ULK4: variants seen among roughly 807,000 people sequenced by gnomAD.
ULK4 encodes the protein unc-51 like kinase 4.
In ULK4, 133 loss-of-function variants were observed where a neutral mutation model predicts 160.6. The ratio of observed to expected loss-of-function variants is 0.83; its 90% confidence interval spans 0.72 to 0.96. ULK4 has a LOEUF of 0.96. Ranked by LOEUF, ULK4 falls within the 40% of genes least tolerant of loss-of-function variation. ULK4 has a pLI of 0.00. For missense variants in ULK4, 1,580 were observed against 1,499.5 expected, an observed-to-expected ratio of 1.05 and a Z score of -0.89; for synonymous variants, 534 against 539.8, an observed-to-expected ratio of 0.99 and a Z score of 0.15.
chr3:41,553,986 C>G (rs2087185474), intron 32 of ULK4, among the ~76,000 whole-genome samples: 1 of 152,080 alleles, frequency 6.6e-6, no homozygotes, highest in African/African-American at 2.4e-5. Context: ...CACCAAAACC[C>G]ACTACCATTC....
chr3:41,565,726 C>A lies in ULK4; in HGVS notation c.3226+299G>T, dbSNP rs547327771. 3.3e-5 allele frequency among the ~76,000 whole-genome samples: 5 copies of A among 152,268 alleles called. No homozygotes were observed. The East Asian group carries it at 9.7e-4, about 29-fold the overall frequency. On this transcript the variant is annotated intron_variant, in intron 32 of 36. Transcript: ENST00000301831. ...TTTAAATTACTCAGTCTCAGGTAAT[C>A]CGTTATAGCAACAGAAAACAGATGA...
chr3:41,326,403 G>A (rs2080338848), intron 35 of ULK4, among the ~76,000 whole-genome samples: 1 of 151,300 alleles, frequency 6.6e-6, no homozygotes, highest in African/African-American at 2.4e-5. Flanking sequence ...CACATATGTT[G>A]AAAAAATGTA....
intron 5 of ULK4, among the ~76,000 whole-genome samples, chr3:41,927,501 T>C (rs1270838253): frequency 2.0e-5 from 3 of 152,042 alleles, no homozygotes; most frequent in African/African-American, 4.8e-5. Flanking sequence ...ATAACAATAT[T>C]AACCTTAAAG....
chr3:41,320,758 A>G (rs2080230213), intron 35 of ULK4, among the ~76,000 whole-genome samples: 1 of 149,160 alleles, frequency 6.7e-6, no homozygotes, highest in Middle Eastern at 3.2e-3. Flanking sequence ...CTCTGCTATA[A>G]ATACAAAAAT....
intron 35 of ULK4, among the ~76,000 whole-genome samples, chr3:41,295,940 G>T (rs1559509786): frequency 6.6e-6 from 1 of 152,186 alleles, no homozygotes; most frequent in Non-Finnish European, 1.5e-5. Flanking sequence ...CCACACAAAA[G>T]CTTACCCCAC....
chr3:41,327,899 G>A (rs939368520), intron 35 of ULK4, among the ~76,000 whole-genome samples: 3 of 152,160 alleles, frequency 2.0e-5, no homozygotes, highest in Admixed American at 6.5e-5. Flanking sequence ...ATTTTCTTGC[G>A]GAACAGGCTG....
rs1202787034 is a variant in ULK4, at chr3:41,463,321, AAG to A, written c.3227-70_3227-69del. ...ACACAAATGTGTCATATGAACCAAA[AAG>A]AGAGGCATTCTGGCTCTATGTTGCA... On this transcript the variant is annotated intron_variant, in intron 32 of 36. Coordinates refer to ENST00000301831, the MANE Select transcript of ULK4 (RefSeq NM_017886.4). 5.7e-5 allele frequency: 85 copies of A among 1,478,634 alleles called. 1 individual carries two copies. Among genetic ancestry groups the A allele is most frequent in the Admixed American group, 9.4e-5 (5 of 53,004 alleles). 91.6% of individuals were successfully genotyped at this position (1,478,634 alleles called of 1,614,324 possible).
At chr3:41,264,904 T>C (rs1160338615) in intron 35 of ULK4, among the ~76,000 whole-genome samples, 1 of 152,184 alleles carries the variant, frequency 6.6e-6, no homozygotes, top group Admixed American at 6.5e-5. Context: ...CATGCTCTAC[T>C]GAGCAAAAAC....
intron 19 of ULK4, among the ~76,000 whole-genome samples, chr3:41,817,983 C>A (rs1357449785): frequency 6.6e-6 from 1 of 151,884 alleles, no homozygotes; most frequent in Non-Finnish European, 1.5e-5. Context: ...CCATCTCACC[C>A]CAATTAAAAT....
intron 29 of ULK4, among the ~76,000 whole-genome samples, chr3:41,678,174 T>TCACA (rs1172488060): frequency 8.3e-6 from 1 of 120,922 alleles, no homozygotes; most frequent in Non-Finnish European, 1.8e-5. Flanking sequence ...AATCTTTATT[T>TCACA]CATACACACA....
At chr3:41,807,051 C>A (rs552078625) in intron 19 of ULK4, among the ~76,000 whole-genome samples, 2 of 151,942 alleles carry the variant, frequency 1.3e-5, no homozygotes, top group African/African-American at 4.8e-5. Flanking sequence ...TGGCTTGATC[C>A]CAGGAGGCAG....
intron 30 of ULK4, among the ~76,000 whole-genome samples, chr3:41,624,641 A>T (rs1306821172): frequency 6.6e-6 from 1 of 152,174 alleles, no homozygotes; most frequent in African/African-American, 2.4e-5. Flanking sequence ...GTAGCTCTAA[A>T]CATAATTTAG....
chr3:41,417,634 T>C (rs1434257130), intron 34 of ULK4, among the ~76,000 whole-genome samples: 1 of 152,096 alleles, frequency 6.6e-6, no homozygotes, highest in African/African-American at 2.4e-5. Flanking sequence ...TTTTGAGGTA[T>C]ACAGAGGCTC....
intron 35 of ULK4, among the ~76,000 whole-genome samples, chr3:41,345,082 T>C (rs183793819): frequency 4.6e-5 from 7 of 152,270 alleles, no homozygotes; most frequent in African/African-American, 1.4e-4. Flanking sequence ...AGATACCGTC[T>C]CATGCCAGTC....
intron 35 of ULK4, among the ~76,000 whole-genome samples, chr3:41,261,739 G>T (rs916081062): frequency 6.6e-6 from 1 of 152,156 alleles, no homozygotes; most frequent in African/African-American, 2.4e-5. Flanking sequence ...GGAAGTTGTT[G>T]CTCTTGACCA....
intron 35 of ULK4, among the ~76,000 whole-genome samples, chr3:41,304,000 A>G (rs993118168): frequency 1.3e-5 from 2 of 152,068 alleles, no homozygotes; most frequent in African/African-American, 4.8e-5. Context: ...GGCAGGTGTG[A>G]TGGCTCACGC....
chr3:41,247,863 A>G (rs1244247558), intron 36 of ULK4, among the ~76,000 whole-genome samples: 1 of 152,266 alleles, frequency 6.6e-6, no homozygotes, highest in Non-Finnish European at 1.5e-5. Context: ...GAACAATGCC[A>G]TCCACTCATT....
intron 32 of ULK4, among the ~76,000 whole-genome samples, chr3:41,528,371 T>A (rs796699566): frequency 3.9e-5 from 6 of 152,338 alleles, no homozygotes; most frequent in African/African-American, 1.4e-4. Context: ...AATTCATCAA[T>A]AGAAATGTAT....
intron 17 of ULK4, among the ~76,000 whole-genome samples, chr3:41,855,830 G>C (rs2042323275): frequency 6.6e-6 from 1 of 152,018 alleles, no homozygotes; most frequent in Non-Finnish European, 1.5e-5. Context: ...TGCTTTGCTA[G>C]GTTCCCAAGG....
Sources: gnomAD v4.1 joint callset for allele counts (sites outside exome capture counted in the v4.1 genomes callset) on GRCh38, gnomAD v4.1.1 for gene constraint, MANE v1.5 for transcripts, NCBI Gene and HGNC (gene_info 2026-07-23, HGNC 2026-07-21) for gene names.